LRRIQ1: variants seen among roughly 807,000 people sequenced by gnomAD.
LRRIQ1 encodes the protein leucine rich repeats and IQ motif containing 1, also known as leucine-rich repeat- and IQ domain-containing protein 1.
In LRRIQ1, 210 loss-of-function variants were observed where a neutral mutation model predicts 211.9. The observed-to-expected ratio is 0.99, with a 90% confidence interval of 0.89 to 1.11. The LOEUF is 1.11. Among genes scored for constraint, LRRIQ1 ranks in the 50% most tolerant of loss-of-function variants. LRRIQ1 has a pLI of 0.00. For synonymous variants in LRRIQ1, 699 were observed against 650.1 expected (o/e 1.08, Z -1.14); for missense variants, 2,136 against 1,939.5 (o/e 1.10, Z -1.90).
intron 15 of LRRIQ1, 40 bp from the exon 16 acceptor site, chr12:85,121,657 T>C (rs112481191): frequency 6.9e-7 from 1 of 1,457,212 alleles, no homozygotes; most frequent in Non-Finnish European, 9.2e-7. Context: ...ACTCTCCTTA[T>C]CAAGATCAGG....
At chr12:85,115,224 A>G (rs1887488263) in intron 15 of LRRIQ1, among the ~76,000 whole-genome samples, 1 of 152,198 alleles carries the variant, frequency 6.6e-6, no homozygotes, top group African/African-American at 2.4e-5. Context: ...CTGATACTTC[A>G]TTTCCAACAT....
chr12:85,104,186 A>G (rs941874286), intron 14 of LRRIQ1, 109 bp downstream of exon 14: 3 of 457,262 alleles, frequency 6.6e-6, no homozygotes, highest in Non-Finnish European at 1.1e-5. Flanking sequence ...TACATATAAT[A>G]AACCTGTAAA....
chr12:85,178,554 C>A (rs1472956376), intron 24 of LRRIQ1, among the ~76,000 whole-genome samples: 1 of 151,924 alleles, frequency 6.6e-6, no homozygotes, highest in Non-Finnish European at 1.5e-5. Flanking sequence ...TCAGTGTTAA[C>A]CTCTTAGTTA....
At chr12:85,165,976 C>T (rs1289892022) in intron 24 of LRRIQ1, among the ~76,000 whole-genome samples, 1 of 152,022 alleles carries the variant, frequency 6.6e-6, no homozygotes, top group African/African-American at 2.4e-5. Context: ...ATTGCTGTGT[C>T]GAATGGTAGT....
chr12:85,152,866 A>G (rs980722072), intron 20 of LRRIQ1, among the ~76,000 whole-genome samples, 158 bp from the exon 21 acceptor site: 51 of 151,646 alleles, frequency 3.4e-4, no homozygotes, highest in African/African-American at 1.2e-3. Flanking sequence ...AACAAAGGAC[A>G]TGTATAATAT....
At chr12:85,200,010 T>A (rs1265883613) in intron 24 of LRRIQ1, among the ~76,000 whole-genome samples, 1 of 152,192 alleles carries the variant, frequency 6.6e-6, no homozygotes, top group Non-Finnish European at 1.5e-5. Context: ...ATGGAGTATA[T>A]CATTGGTAGT....
chr12:85,038,309 GTGAGTATTGCACTTT>G lies in LRRIQ1; in HGVS notation c.132+6_132+20del. ...AACCCAGAGTGATGATAGTGATACAGTGAGTATTGCACTTTTGAGCCTTTTAACAGGAGTAGGCTT... is the reference window on the plus strand; with the variant it reads ...AACCCAGAGTGATGATAGTGATACAGTGAGCCTTTTAACAGGAGTAGGCTT... On this transcript the variant is annotated splice_donor_variant and splice_donor_5th_base_variant and intron_variant, in intron 2 of 26. Coordinates refer to ENST00000393217, the MANE Select transcript of LRRIQ1 (RefSeq NM_001079910.2). LOFTEE classifies it high-confidence loss of function. 1 of 1,551,360 alleles carries G rather than the reference GTGAGTATTGCACTTT, an allele frequency of 6.4e-7. No individual in the cohort carries two copies. The highest frequency in any genetic ancestry group is 8.7e-7 in the Non-Finnish European group (1 of 1,146,494).
In LRRIQ1 at chr12:85,047,257, T is replaced by C. The variant is rs1879714491; in HGVS notation, c.465T>C (p.Asp155=). 1.3e-6 allele frequency: 2 copies of C among 1,590,030 alleles called. No homozygotes were observed. The highest frequency in any genetic ancestry group is 1.9e-5 in the Admixed American group (1 of 53,568). The part of the protein sequence containing the change: ...MDEHVLPDDA[D]INFGYCEVEE... Reference sequence around the variant, plus strand: ...TCTTCATGAGTGCAGATGATGCTGATATAAATTTTGGATACTGTGAAGTGG... The same window carrying C: ...TCTTCATGAGTGCAGATGATGCTGACATAAATTTTGGATACTGTGAAGTGG... Residue 155 remains aspartate, a synonymous_variant, in exon 6 of 27, where the codon GAT becomes GAC. Transcript: ENST00000393217.
intron 1 of LRRIQ1, among the ~76,000 whole-genome samples, chr12:85,256,857 A>T (rs1896109979): frequency 6.7e-6 from 1 of 150,062 alleles, no homozygotes; most frequent in South Asian, 2.1e-4. Flanking sequence ...TGATCTTGAA[A>T]ATCTAATTTG....
intron 1 of LRRIQ1, among the ~76,000 whole-genome samples, chr12:85,259,260 G>A (rs1227011959): frequency 6.6e-6 from 1 of 152,014 alleles, no homozygotes; most frequent in East Asian, 1.9e-4. Flanking sequence ...TTTGTTCTAG[G>A]AGTCCATCAG....
intron 11 of LRRIQ1, among the ~76,000 whole-genome samples, chr12:85,090,111 T>C (rs1452356099): frequency 6.6e-6 from 1 of 152,226 alleles, no homozygotes; most frequent in Non-Finnish European, 1.5e-5. Context: ...CTTTGCCTAA[T>C]GCACATCATA....
rs569723837 is a variant in LRRIQ1 at position 85,054,016 on chromosome 12, T to C, written c.754-1531T>C. 7.2e-5 allele frequency among the ~76,000 whole-genome samples: 11 copies of C among 152,348 alleles called. No homozygotes were observed. In the East Asian group the frequency reaches 1.7e-3, roughly 24 times the overall value. On this transcript the variant is annotated intron_variant, in intron 7 of 26. Transcript: ENST00000393217. ...TACCACCCTTAACAATGTAAAGATA[T>C]GACTTTGTTGCATATTTATTTTTGC...
Position 85,044,827 on chromosome 12 carries a change from G to A in LRRIQ1, c.336+18G>A. On this transcript the variant is annotated intron_variant, in intron 4 of 26. Transcript: ENST00000393217. ...TAATTAAGGTATATATTCAATATTT[G>A]ACTTAAAATATTCACTATTACAATT... The A allele has an allele frequency of 8.7e-7, 1 of 1,149,102 alleles. No homozygotes were observed. Among genetic ancestry groups the A allele is most frequent in the South Asian group, 1.5e-5 (1 of 66,398 alleles). The allele number at this position is 1,149,102 out of a possible 1,614,324, so 71.2% of individuals were successfully genotyped here. A position where few individuals can be genotyped will look rare whatever the true frequency, so the allele number is the denominator to read the frequency against.
At chr12:85,120,938 GTTTGTTTGTTTGTTTTTTGTTTTT>G (rs1390389574) in intron 15 of LRRIQ1, among the ~76,000 whole-genome samples, 1 of 151,216 alleles carries the variant, frequency 6.6e-6, no homozygotes, top group African/African-American at 2.4e-5. Context: ...TTGTTTTTTT[GTTTGTTTGTTTGTTTTTTGTTTTT>G]TTTGTTTGTT....
At chr12:85,130,599 CTT>C (rs1756361438) in intron 18 of LRRIQ1, among the ~76,000 whole-genome samples, 1 of 152,118 alleles carries the variant, frequency 6.6e-6, no homozygotes, top group Non-Finnish European at 1.5e-5. Flanking sequence ...ATGTAAGTCT[CTT>C]TTGTACATCC....
At chr12:85,160,068 T>G (rs1255869517) in intron 23 of LRRIQ1, among the ~76,000 whole-genome samples, 2 of 152,050 alleles carry the variant, frequency 1.3e-5, no homozygotes, top group Non-Finnish European at 2.9e-5. Flanking sequence ...TTATTTTTGC[T>G]ACTTTAGCAT....
intron 19 of LRRIQ1, among the ~76,000 whole-genome samples, chr12:85,152,033 T>A (rs2136666067): frequency 6.6e-6 from 1 of 151,844 alleles, no homozygotes; most frequent in African/African-American, 2.4e-5. Flanking sequence ...CTGCACCTCA[T>A]TTTTTAGAGC....
At chr12:85,103,654 C>G (rs1886555662) in intron 13 of LRRIQ1, among the ~76,000 whole-genome samples, 1 of 151,248 alleles carries the variant, frequency 6.6e-6, no homozygotes, top group Non-Finnish European at 1.5e-5. Flanking sequence ...TATATGAATA[C>G]AAAACAAAAT....
intron 15 of LRRIQ1, among the ~76,000 whole-genome samples, chr12:85,111,934 T>TTA (rs71869023): frequency 6.0e-4 from 85 of 142,090 alleles, no homozygotes; most frequent in South Asian, 1.3e-3. Flanking sequence ...ATTAGACATT[T>TTA]TATATATATA....
Sources: allele counts gnomAD v4.1 joint callset (sites outside exome capture counted in the v4.1 genomes callset), GRCh38; gene constraint gnomAD v4.1.1; transcripts MANE v1.5; gene names NCBI Gene and HGNC (gene_info 2026-07-23, HGNC 2026-07-21).